GAS2: variants seen among roughly 807,000 people sequenced by gnomAD.
GAS2 encodes the protein growth arrest specific 2.
In GAS2, 20 loss-of-function variants were observed where a neutral mutation model predicts 37.5. That is an observed-to-expected ratio of 0.53 (90% CI 0.37 to 0.77). The LOEUF is 0.77. Among genes scored for constraint, GAS2 ranks in the 30% least tolerant of loss-of-function variants. The pLI, the probability that GAS2 is intolerant of heterozygous loss-of-function variation, is 0.00. For missense variants in GAS2, 336 were observed against 373.4 expected (o/e 0.90, Z 0.82); for synonymous variants, 144 against 132.2 (o/e 1.09, Z -0.61).
chr11:22,648,066 T>G (rs865904045), intron 1 of GAS2, among the ~76,000 whole-genome samples: 4 of 152,226 alleles, frequency 2.6e-5, no homozygotes, highest in Non-Finnish European at 5.9e-5. Flanking sequence ...GGTCTAACGT[T>G]TAAGTCTTCA....
At chr11:22,672,211 A>G (rs1327133118) in intron 1 of GAS2, among the ~76,000 whole-genome samples, 1 of 152,142 alleles carries the variant, frequency 6.6e-6, no homozygotes, top group Non-Finnish European at 1.5e-5. Context: ...TCTCACCACT[A>G]AAATTTTGAC....
At chr11:22,696,349 A>G (rs1481570627) in intron 3 of GAS2, among the ~76,000 whole-genome samples, 1 of 152,114 alleles carries the variant, frequency 6.6e-6, no homozygotes, top group Non-Finnish European at 1.5e-5. Context: ...TCATTGTTGG[A>G]CATTTGGATT....
chr11:22,794,110 A>ATT (rs3049473), intron 7 of GAS2, among the ~76,000 whole-genome samples: 48,023 of 149,530 alleles, frequency 0.32, 9,128 homozygotes, highest in Non-Finnish European at 0.42. Context: ...TAATAAAACA[A>ATT]TTTTTTTTTT....
intron 7 of GAS2, among the ~76,000 whole-genome samples, chr11:22,789,764 C>A (rs1856051889): frequency 1.3e-5 from 2 of 151,744 alleles, no homozygotes; most frequent in African/African-American, 4.8e-5. Flanking sequence ...CGCGCCCGGC[C>A]ATGATATGTA....
At chr11:22,629,124 A>T (rs1375742467) in intron 1 of GAS2, among the ~76,000 whole-genome samples, 1 of 152,140 alleles carries the variant, frequency 6.6e-6, no homozygotes, top group Non-Finnish European at 1.5e-5. Flanking sequence ...TTATGCTGTG[A>T]TAAACATATA....
chr11:22,701,527 A>G (rs1850840905), intron 3 of GAS2, among the ~76,000 whole-genome samples: 1 of 152,086 alleles, frequency 6.6e-6, no homozygotes, highest in Non-Finnish European at 1.5e-5. Flanking sequence ...TCAAGCTTAA[A>G]AAAAAAATAG....
At position 22,679,403 on chromosome 11, in the gene GAS2, A is replaced by G. The variant is rs1849573913; in HGVS notation, c.145+4389A>G. On this transcript the variant is annotated intron_variant, in intron 2 of 7. Transcript: ENST00000454584. ...TTATTTAACTATGCCCTTAGGGTAT[A>G]TTAGAACATGAAATGCATATATAAA... Among the ~76,000 whole-genome samples, 4 of 152,112 alleles carry G rather than the reference A, an allele frequency of 2.6e-5. No individual in the cohort carries two copies. The South Asian group carries it at 8.3e-4, about 31-fold the overall frequency.
chr11:22,778,871 G>A (rs145174557), intron 7 of GAS2, among the ~76,000 whole-genome samples: 44 of 152,280 alleles, frequency 2.9e-4, no homozygotes, highest in African/African-American at 1.0e-3. Context: ...ACAGAATTCT[G>A]AGAAGGCAGC....
At chr11:22,696,888 TA>T (rs1373992728) in intron 3 of GAS2, among the ~76,000 whole-genome samples, 1 of 150,066 alleles carries the variant, frequency 6.7e-6, no homozygotes, top group South Asian at 2.1e-4. Flanking sequence ...TCCCATTTTG[TA>T]GGTTGCCTGT....
chr11:22,750,974 A>G (rs1057198912), intron 6 of GAS2, among the ~76,000 whole-genome samples: 5 of 151,984 alleles, frequency 3.3e-5, no homozygotes, highest in Non-Finnish European at 1.5e-5. Flanking sequence ...TCCGGAAATT[A>G]TGAGATTGCT....
intron 3 of GAS2, among the ~76,000 whole-genome samples, chr11:22,711,526 A>G (rs898749252): frequency 1.3e-5 from 2 of 152,252 alleles, no homozygotes; most frequent in Admixed American, 6.5e-5. Context: ...ATACAAGTGC[A>G]GAAGCCACAG....
At chr11:22,736,004 T>TA (rs35525212) in intron 4 of GAS2, among the ~76,000 whole-genome samples, 86,044 of 143,694 alleles carry the variant, frequency 0.6, 26,596 homozygotes, top group East Asian at 0.75. Context: ...ATGGATATGT[T>TA]AAAAAAAAAA....
chr11:22,687,710 A>G (rs337470), intron 3 of GAS2, among the ~76,000 whole-genome samples: 151,223 of 152,308 alleles, frequency 0.99, 75,081 homozygotes, highest in Middle Eastern at 1. Flanking sequence ...TCTCATTTCC[A>G]TCGTGATGTA....
intron 5 of GAS2, among the ~76,000 whole-genome samples, chr11:22,741,602 C>A (rs1240661539): frequency 2.6e-5 from 4 of 152,014 alleles, no homozygotes; most frequent in Non-Finnish European, 5.9e-5. Context: ...ACTTTCGGAA[C>A]ATTTTCTTTA....
intron 6 of GAS2, among the ~76,000 whole-genome samples, chr11:22,753,260 A>G (rs1853846061): frequency 6.6e-6 from 1 of 152,040 alleles, no homozygotes; most frequent in African/African-American, 2.4e-5. Context: ...TTTACTTAAC[A>G]ATATATTTCC....
At chr11:22,703,448 G>T (rs976540191) in intron 3 of GAS2, among the ~76,000 whole-genome samples, 2 of 152,148 alleles carry the variant, frequency 1.3e-5, no homozygotes, top group Admixed American at 6.6e-5. Context: ...TACTAAATGT[G>T]TTGGAGAAAC....
chr11:22,774,452 G>A (rs1460739315), intron 7 of GAS2, among the ~76,000 whole-genome samples: 1 of 152,200 alleles, frequency 6.6e-6, no homozygotes, highest in Non-Finnish European at 1.5e-5. Context: ...TTAAAGTGAA[G>A]GGCTTTCTAA....
upstream of GAS2, among the ~76,000 whole-genome samples, chr11:22,664,407 A>T (rs1848951836): frequency 6.6e-6 from 1 of 152,190 alleles, no homozygotes; most frequent in South Asian, 2.1e-4. Context: ...CATGTTTGAG[A>T]CAATGTTGAA....
At chr11:22,808,525 C>T (rs1316151371) in intron 7 of GAS2, among the ~76,000 whole-genome samples, 1 of 152,200 alleles carries the variant, frequency 6.6e-6, no homozygotes, top group African/African-American at 2.4e-5. Context: ...AATTAGCAAA[C>T]TGAATATGTG....
Sources: allele counts gnomAD v4.1 joint callset (sites outside exome capture counted in the v4.1 genomes callset), GRCh38; gene constraint gnomAD v4.1.1; transcripts MANE v1.5; gene names NCBI Gene and HGNC (gene_info 2026-07-23, HGNC 2026-07-21).